Variants in BRF1 observed in about 807,000 individuals in gnomAD.
The protein encoded by BRF1 is BRF1 general transcription factor IIIB subunit, also known as transcription factor IIIB 90 kDa subunit.
A neutral mutation model predicts 81.7 loss-of-function variants in BRF1; 59 were observed. The observed-to-expected ratio is 0.72, with a 90% CI of 0.59 to 0.90. BRF1 has a LOEUF of 0.90. Ranked by LOEUF, BRF1 falls within the 40% of genes least tolerant of loss-of-function variation. BRF1 has a pLI of 0.00. For missense variants in BRF1, 1,050 were observed against 936.3 expected (o/e 1.12, Z -1.58); for synonymous variants, 491 against 395.6 (o/e 1.24, Z -2.86).
At chr14:105,241,871 C>T (rs587771066) in intron 5 of BRF1, 72 of 212,342 alleles carry the variant, frequency 3.4e-4, no homozygotes, top group African/African-American at 1.6e-3. Context: ...GGCATCTCTA[C>T]CAGCATGGCG....
At chr14:105,254,360 C>T (rs1400935024) in intron 4 of BRF1, among the ~76,000 whole-genome samples, 1 of 151,612 alleles carries the variant, frequency 6.6e-6, no homozygotes, top group Non-Finnish European at 1.5e-5. Context: ...GGGTTCACGT[C>T]ATTCTCCTGC....
intron 3 of BRF1, among the ~76,000 whole-genome samples, chr14:105,261,943 C>A (rs1209570170): frequency 6.6e-6 from 1 of 152,092 alleles, no homozygotes; most frequent in Non-Finnish European, 1.5e-5. Context: ...GCAGGCCCCC[C>A]CTGCTCTGAG....
chr14:105,267,082 G>A (rs928921393), intron 3 of BRF1, among the ~76,000 whole-genome samples: 9 of 152,154 alleles, frequency 5.9e-5, no homozygotes, highest in African/African-American at 2.2e-4. Context: ...CTGGCATTAT[G>A]AGCAGCAGAC....
At chr14:105,272,973 T>C in intron 2 of BRF1, 79 bp from the exon 3 acceptor site, 1 of 1,427,462 alleles carries the variant, frequency 7.0e-7, no homozygotes, top group Non-Finnish European at 9.3e-7. Flanking sequence ...CAGCAGCAAC[T>C]TTAAGAATAT....
chr14:105,249,770 A>C, intron 5 of BRF1: 1 of 1,613,856 alleles, frequency 6.2e-7, no homozygotes, highest in Non-Finnish European at 8.5e-7. Flanking sequence ...TTTGGAAGCC[A>C]AGAACGCCTG....
At chr14:105,290,969 G>T (rs587710713) in intron 1 of BRF1, among the ~76,000 whole-genome samples, 1 of 152,040 alleles carries the variant, frequency 6.6e-6, no homozygotes, top group Non-Finnish European at 1.5e-5. Context: ...TAACCCACAG[G>T]GAGGATGAAA....
At chr14:105,219,992 C>A (rs1595274077) in intron 12 of BRF1, 77 bp downstream of exon 12, 1 of 1,571,068 alleles carries the variant, frequency 6.4e-7, no homozygotes, top group East Asian at 2.3e-5. Flanking sequence ...GCCAACCCCG[C>A]CCGACCACTC....
chr14:105,267,250 G>C (rs2056457700), intron 3 of BRF1, among the ~76,000 whole-genome samples: 2 of 151,940 alleles, frequency 1.3e-5, no homozygotes, highest in South Asian at 4.1e-4. Flanking sequence ...GCCCACATGG[G>C]CCCACGCTGG....
chr14:105,215,849 C>T (rs1023307758), intron 15 of BRF1, among the ~76,000 whole-genome samples: 3 of 149,838 alleles, frequency 2.0e-5, no homozygotes, highest in African/African-American at 7.4e-5. Context: ...TACACAGACA[C>T]AGGCACACAC....
At chr14:105,220,329 G>A (rs1157806578) in intron 11 of BRF1, among the ~76,000 whole-genome samples, 199 bp from the exon 12 acceptor site, 2 of 149,692 alleles carry the variant, frequency 1.3e-5, no homozygotes, top group Non-Finnish European at 2.9e-5. Context: ...GACACTAAGC[G>A]AAGCCAGCAG....
intron 1 of BRF1, among the ~76,000 whole-genome samples, chr14:105,308,814 T>A (rs2058266268): frequency 6.6e-6 from 1 of 151,758 alleles, no homozygotes; most frequent in Non-Finnish European, 1.5e-5. Flanking sequence ...AATAATTTTT[T>A]AAAACCCTTA....
intron 1 of BRF1, among the ~76,000 whole-genome samples, chr14:105,289,664 C>T (rs1293304254): frequency 1.3e-5 from 2 of 152,068 alleles, no homozygotes; most frequent in Non-Finnish European, 2.9e-5. Context: ...GAGACGGAGT[C>T]TCGCTCTATC....
At position 105,227,765 on chromosome 14, in the gene BRF1, C is replaced by T. The variant is rs587616336; in HGVS notation, c.789-1005G>A. Reference sequence around the variant, plus strand: ...ACGAACGCCTCTACACGCTACACAACCTTCAAACACGTTTCATCAAAGATT... The same window carrying T: ...ACGAACGCCTCTACACGCTACACAATCTTCAAACACGTTTCATCAAAGATT... On this transcript the variant is annotated intron_variant, in intron 7 of 17. Coordinates refer to ENST00000547530, the MANE Select transcript of BRF1 (RefSeq NM_001519.4). 4.6e-5 allele frequency: 7 copies of T among 152,382 alleles called. No individual in the cohort carries two copies. In the East Asian group the frequency reaches 1.3e-3, roughly 29 times the overall value. The allele number at this position is 152,382 out of a possible 1,614,324, so 9.4% of individuals were successfully genotyped here. A position where few individuals can be genotyped will look rare whatever the true frequency, so the allele number is the denominator to read the frequency against.
At position 105,217,906 on chromosome 14, in the gene BRF1, A is replaced by T. The variant is rs1441542546; in HGVS notation, c.1516-106T>A. 4 of 1,518,636 alleles carry T rather than the reference A, an allele frequency of 2.6e-6. No homozygotes were observed. The African/African-American group carries it at 5.5e-5, about 21-fold the overall frequency. The allele number at this position is 1,518,636 out of a possible 1,614,324, so 94.1% of individuals were successfully genotyped here. A position where few individuals can be genotyped will look rare whatever the true frequency, so the allele number is the denominator to read the frequency against. On this transcript the variant is annotated intron_variant, in intron 14 of 17. Transcript: ENST00000547530. ...AGTGCAGGCGGGTGAGGCCTGGCTC[A>T]GGCCCTCAGAAGGGCCGCTCCTGCC...
chr14:105,263,655 A>G (rs150737025), intron 3 of BRF1, among the ~76,000 whole-genome samples: 1,713 of 151,982 alleles, frequency 0.011, 35 homozygotes, highest in African/African-American at 0.04. Flanking sequence ...GCCGGGCGCG[A>G]TGGCTCACGC....
chr14:105,297,736 C>G (rs1250572213), intron 1 of BRF1, among the ~76,000 whole-genome samples: 1 of 152,146 alleles, frequency 6.6e-6, no homozygotes, highest in African/African-American at 2.4e-5. Context: ...GTGGCTCACG[C>G]TGGTAAACCC....
chr14:105,249,470 C>T (rs763475014), intron 5 of BRF1: 5 of 1,613,548 alleles, frequency 3.1e-6, no homozygotes, highest in Non-Finnish European at 4.2e-6. Flanking sequence ...CCTTTCTGAT[C>T]CTCTTAAAGT....
chr14:105,306,960 G>A (rs1262521989), intron 1 of BRF1, among the ~76,000 whole-genome samples: 1 of 152,008 alleles, frequency 6.6e-6, no homozygotes, highest in Non-Finnish European at 1.5e-5. Context: ...TGGACCTAGA[G>A]AGGGACTCCC....
chr14:105,293,553 G>A (rs1030497265), intron 1 of BRF1, among the ~76,000 whole-genome samples: 2 of 152,244 alleles, frequency 1.3e-5, no homozygotes, highest in Non-Finnish European at 2.9e-5. Context: ...GGAAGCCTCA[G>A]GGCACACACA....
Sources: gnomAD v4.1 joint callset for allele counts (sites outside exome capture counted in the v4.1 genomes callset) on GRCh38, gnomAD v4.1.1 for gene constraint, MANE v1.5 for transcripts, NCBI Gene and HGNC (gene_info 2026-07-23, HGNC 2026-07-21) for gene names.